Variants in TXNDC12 observed in about 807,000 individuals in gnomAD.
TXNDC12 encodes the protein thioredoxin domain-containing protein 12.
TXNDC12 carries 22 observed loss-of-function variants against 24.2 expected under a neutral mutation model. The ratio of observed to expected loss-of-function variants is 0.91; its 90% CI spans 0.65 to 1.30. TXNDC12 has a LOEUF of 1.30. Among genes scored for constraint, TXNDC12 ranks in the 50% most tolerant of loss-of-function variants. TXNDC12 has a pLI of 0.00. For missense variants in TXNDC12, 184 were observed against 205.8 expected (o/e 0.89, Z 0.65); for synonymous variants, 58 against 73.4 (o/e 0.79, Z 1.07).
At chr1:52,033,368 C>T (rs561778300) in intron 2 of TXNDC12, 5 of 1,613,668 alleles carry the variant, frequency 3.1e-6, no homozygotes, top group Non-Finnish European at 4.2e-6. Context: ...CGCCAACTCA[C>T]ACTGACGTTC....
chr1:52,037,879 G>C (rs145824841), intron 2 of TXNDC12, among the ~76,000 whole-genome samples: 1 of 151,770 alleles, frequency 6.6e-6, no homozygotes, highest in East Asian at 1.9e-4. Flanking sequence ...GAGTTAGCCT[G>C]TCTCTTCTTG....
At chr1:52,028,519 A>T in intron 3 of TXNDC12, 59 bp downstream of exon 3, 3 of 1,390,256 alleles carry the variant, frequency 2.2e-6, no homozygotes, top group Non-Finnish European at 3.0e-6. Flanking sequence ...ATATTTGTTA[A>T]ATGTTAATAT....
At chr1:52,039,264 T>G (rs534004180) in intron 2 of TXNDC12, among the ~76,000 whole-genome samples, 1 of 152,062 alleles carries the variant, frequency 6.6e-6, no homozygotes, top group African/African-American at 2.4e-5. Context: ...ATGGGTTTCA[T>G]GGTGTTATTC....
At chr1:52,029,580 C>G (rs1685722192) in intron 2 of TXNDC12, among the ~76,000 whole-genome samples, 1 of 152,188 alleles carries the variant, frequency 6.6e-6, no homozygotes, top group Admixed American at 6.5e-5. Flanking sequence ...AGCTACCATG[C>G]ACTTAACATA....
chr1:52,036,571 C>A (rs573087606), intron 2 of TXNDC12, among the ~76,000 whole-genome samples: 4 of 152,168 alleles, frequency 2.6e-5, no homozygotes, highest in Non-Finnish European at 5.9e-5. Context: ...AATATAATTT[C>A]TGTCTGATTT....
At chr1:52,047,587 G>A (rs938391636) in intron 1 of TXNDC12, among the ~76,000 whole-genome samples, 3 of 152,000 alleles carry the variant, frequency 2.0e-5, no homozygotes, top group Non-Finnish European at 2.9e-5. Context: ...TATAATGCCC[G>A]ATTTGTAGAG....
intron 1 of TXNDC12, among the ~76,000 whole-genome samples, chr1:52,052,970 G>C (rs191526531): frequency 6.6e-6 from 1 of 152,100 alleles, no homozygotes; most frequent in Non-Finnish European, 1.5e-5. Flanking sequence ...TAGGCCTGGC[G>C]CAGTGGCTCC....
At chr1:52,041,437 C>A in intron 2 of TXNDC12, 100 bp downstream of exon 2, 1 of 693,104 alleles carries the variant, frequency 1.4e-6, no homozygotes. Flanking sequence ...CTATTCAGTT[C>A]TTGCTCTGCC....
At chr1:52,021,566 A>G (rs1247453488) in intron 6 of TXNDC12, among the ~76,000 whole-genome samples, 2 of 151,160 alleles carry the variant, frequency 1.3e-5, no homozygotes, top group East Asian at 1.9e-4. Flanking sequence ...AGGCCAAAAA[A>G]AAAAAAAAAA....
At chr1:52,024,174 T>C (rs1238193535) in intron 5 of TXNDC12, among the ~76,000 whole-genome samples, 1 of 152,044 alleles carries the variant, frequency 6.6e-6, no homozygotes, top group East Asian at 1.9e-4. Flanking sequence ...TTTGTACTTT[T>C]TGTAGAGACG....
intron 1 of TXNDC12, among the ~76,000 whole-genome samples, chr1:52,046,867 ATATATATATAT>A (rs1686104646): frequency 3.2e-5 from 1 of 31,262 alleles, no homozygotes; most frequent in Non-Finnish European, 9.7e-5. Context: ...AAAAAAAAAA[ATATATATATAT>A]ATATATATAT....
intron 1 of TXNDC12, among the ~76,000 whole-genome samples, chr1:52,053,700 G>A (rs1013636814): frequency 6.6e-6 from 1 of 152,038 alleles, no homozygotes; most frequent in African/African-American, 2.4e-5. Flanking sequence ...AAAAACGGTA[G>A]TCTGTTTTAA....
intron 1 of TXNDC12, among the ~76,000 whole-genome samples, chr1:52,051,525 G>A (rs555961260): frequency 6.6e-6 from 1 of 152,264 alleles, no homozygotes; most frequent in East Asian, 1.9e-4. Context: ...ACAGGCGTGT[G>A]CCACCACGCC....
chr1:52,036,154 A>T (rs1345643041), intron 2 of TXNDC12, among the ~76,000 whole-genome samples: 1 of 152,156 alleles, frequency 6.6e-6, no homozygotes, highest in African/African-American at 2.4e-5. Context: ...AAATCAGCAT[A>T]TACCTTTTGA....
At chr1:52,054,894 G>A in intron 1 of TXNDC12, 106 bp downstream of exon 1, 2 of 813,844 alleles carry the variant, frequency 2.5e-6, no homozygotes, top group Admixed American at 4.6e-5. Flanking sequence ...AATCTGGAGT[G>A]GCCTAAGAGT....
At chr1:52,029,435 G>A (rs574994151) in intron 2 of TXNDC12, among the ~76,000 whole-genome samples, 11 of 152,260 alleles carry the variant, frequency 7.2e-5, no homozygotes, top group Non-Finnish European at 1.2e-4. Flanking sequence ...CAATCCACCC[G>A]AACCAGACTG....
intron 2 of TXNDC12, among the ~76,000 whole-genome samples, chr1:52,038,183 A>T (rs994095580): frequency 7.9e-5 from 12 of 151,812 alleles, no homozygotes; most frequent in African/African-American, 2.9e-4. Context: ...TTTTTTTTCC[A>T]GAGTAGGGTA....
At chr1:52,039,476 C>T (rs745533757) in intron 2 of TXNDC12, among the ~76,000 whole-genome samples, 9 of 151,986 alleles carry the variant, frequency 5.9e-5, no homozygotes, top group East Asian at 1.9e-4. Context: ...TACAGGCATG[C>T]GCCCACCATG....
At chr1:52,029,106 C>G (rs1351457457) in intron 2 of TXNDC12, among the ~76,000 whole-genome samples, 1 of 151,984 alleles carries the variant, frequency 6.6e-6, no homozygotes, top group Admixed American at 6.6e-5. Context: ...CCAGCCTGGC[C>G]GACAGAACAG....
Sources: allele counts gnomAD v4.1 joint callset (sites outside exome capture counted in the v4.1 genomes callset), GRCh38; gene constraint gnomAD v4.1.1; transcripts MANE v1.5; gene names NCBI Gene and HGNC (gene_info 2026-07-23, HGNC 2026-07-21).